The following SP3 variants were observed in gnomAD, a reference collection of about 807,000 sequenced individuals.
The protein encoded by SP3 is Sp3 transcription factor, also known as transcription factor Sp3.
In SP3, 10 loss-of-function variants were observed where a neutral mutation model predicts 70.3. That is an observed-to-expected ratio of 0.14 (90% CI 0.09 to 0.24). The LOEUF is 0.24. Among genes scored for constraint, SP3 ranks in the 10% least tolerant of loss-of-function variants. The pLI, the probability that SP3 is intolerant of heterozygous loss-of-function variation, is 1.00. For missense variants in SP3, 825 were observed against 914.6 expected, an observed-to-expected ratio of 0.90 and a Z score of 1.26; for synonymous variants, 402 against 333.5, an observed-to-expected ratio of 1.21 and a Z score of -2.24.
chr2:173,942,859 T>G (rs1167397029), intron 4 of SP3, among the ~76,000 whole-genome samples: 1 of 151,968 alleles, frequency 6.6e-6, no homozygotes, highest in Non-Finnish European at 1.5e-5. Flanking sequence ...ATCAAAAATG[T>G]TTTTTTAAAA....
intron 4 of SP3, among the ~76,000 whole-genome samples, chr2:173,954,596 TATCA>T (rs1190516650): frequency 1.3e-5 from 2 of 152,124 alleles, no homozygotes; most frequent in Non-Finnish European, 2.9e-5. Context: ...TGCCTGACAA[TATCA>T]ATCAGATGTC....
At chr2:173,957,718 C>T (rs1478809681) in intron 3 of SP3, among the ~76,000 whole-genome samples, 1 of 152,062 alleles carries the variant, frequency 6.6e-6, no homozygotes, top group Non-Finnish European at 1.5e-5. Context: ...GGTGCAATCA[C>T]ATCTGTGTCT....
Position 173,964,530 on chromosome 2 carries a change from C to T in SP3, c.31G>A (p.Glu11Lys), listed in dbSNP as rs1237613488. The stretch of plus-strand genomic sequence containing the variant: ...TCCACGTCCAAGGCAGCCATTTCCT[C>T]TTGTTTCACGGGCTTTTCGGGAGCT... MTAPEKPVKQ[E>K]EMAALDVDSG... is the part of the protein sequence containing the mutation. Residue 11 changes from glutamate to lysine, a missense_variant, in exon 2 of 7, where the codon GAG becomes AAG. Physicochemically the swap from Glu to Lys is moderately conservative, Grantham distance 56 (BLOSUM62 1). Coordinates refer to ENST00000310015, the MANE Select transcript of SP3 (RefSeq NM_003111.5). The T allele has an allele frequency of 2.0e-5, 10 of 488,530 alleles. No individual in the cohort carries two copies. Among genetic ancestry groups the T allele is most frequent in the East Asian group, 1.7e-4 (3 of 17,246 alleles). The allele number at this position is 488,530 out of a possible 1,614,324, so 30.3% of individuals were successfully genotyped here.
chr2:173,938,459 CAAAAAAAAA>C (rs747595137), intron 4 of SP3, among the ~76,000 whole-genome samples: 1 of 46,384 alleles, frequency 2.2e-5, no homozygotes, highest in Non-Finnish European at 4.2e-5. Flanking sequence ...AACTTTGCCT[CAAAAAAAAA>C]AAAAAAAAAA....
At chr2:173,920,303 G>A (rs1184521246) in intron 4 of SP3, among the ~76,000 whole-genome samples, 1 of 152,070 alleles carries the variant, frequency 6.6e-6, no homozygotes, top group Non-Finnish European at 1.5e-5. Context: ...CAGCACAGAC[G>A]TATTTTCATT....
chr2:173,905,609 A>G lies in SP3; in HGVS notation c.*4332T>C, dbSNP rs1008212495. ...TGAATCATGTTACATGACAATATAC[A>G]TGACACCTTTTTAAAAAATATATTC... is the stretch of plus-strand genomic sequence containing the variant. On this transcript the variant is annotated 3_prime_UTR_variant, in exon 7 of 7. Transcript: ENST00000310015. 6.6e-6 allele frequency among the ~76,000 whole-genome samples: 1 copy of G among 152,212 alleles called. No individual in the cohort carries two copies. The highest frequency in any genetic ancestry group is 1.5e-5 in the Non-Finnish European group (1 of 68,030).
intron 4 of SP3, among the ~76,000 whole-genome samples, chr2:173,920,970 A>C (rs1689737245): frequency 6.6e-6 from 1 of 152,156 alleles, no homozygotes; most frequent in African/African-American, 2.4e-5. Flanking sequence ...TTTGAGGGAC[A>C]TATATGACTG....
intron 5 of SP3, chr2:173,914,440 A>G (rs1689575182): frequency 6.6e-6 from 1 of 152,204 alleles, no homozygotes; most frequent in Non-Finnish European, 1.5e-5. Flanking sequence ...CCCCACATTT[A>G]TATTTTAATG....
intron 4 of SP3, among the ~76,000 whole-genome samples, chr2:173,941,612 G>GAA (rs1421580922): frequency 6.6e-6 from 1 of 152,068 alleles, no homozygotes; most frequent in Non-Finnish European, 1.5e-5. Context: ...AAAAAGAAAA[G>GAA]AAAGGGATAA....
chr2:173,940,756 A>G (rs1690349466), intron 4 of SP3, among the ~76,000 whole-genome samples: 1 of 152,070 alleles, frequency 6.6e-6, no homozygotes, highest in Non-Finnish European at 1.5e-5. Flanking sequence ...TCAGATGACC[A>G]CTTCATACCT....
At chr2:173,935,755 A>T (rs1011560296) in intron 4 of SP3, among the ~76,000 whole-genome samples, 1 of 152,122 alleles carries the variant, frequency 6.6e-6, no homozygotes, top group Admixed American at 6.6e-5. Context: ...ACTAGCAACA[A>T]TTATTTCAAC....
intron 4 of SP3, among the ~76,000 whole-genome samples, chr2:173,948,964 A>G (rs191398591): frequency 6.6e-6 from 1 of 152,302 alleles, no homozygotes; most frequent in Admixed American, 6.5e-5. Flanking sequence ...AACCATCCTC[A>G]GGTTATTTTT....
At chr2:173,920,467 AAC>A (rs1689721795) in intron 4 of SP3, among the ~76,000 whole-genome samples, 1 of 152,166 alleles carries the variant, frequency 6.6e-6, no homozygotes. Context: ...ATCAACTGTT[AAC>A]AAATGAACCA....
intron 4 of SP3, among the ~76,000 whole-genome samples, chr2:173,944,621 A>G (rs969296058): frequency 6.6e-6 from 1 of 152,248 alleles, no homozygotes; most frequent in South Asian, 2.1e-4. Context: ...TTCTCTTGGA[A>G]TAAAATACGG....
intron 4 of SP3, 94 bp downstream of exon 4, chr2:173,954,777 ATG>A (rs1690823510): frequency 2.9e-6 from 3 of 1,040,822 alleles, no homozygotes; most frequent in Non-Finnish European, 4.3e-6. Context: ...ATTAATTCTA[ATG>A]TGAGTCTGAT....
At chr2:173,915,197 G>A (rs1421894111) in intron 5 of SP3, 1 of 152,054 alleles carries the variant, frequency 6.6e-6, no homozygotes, top group Non-Finnish European at 1.5e-5. Flanking sequence ...TAGGAAATAA[G>A]AAATATTATT....
chr2:173,912,191 G>C (rs1237806562), intron 6 of SP3, among the ~76,000 whole-genome samples: 1 of 152,212 alleles, frequency 6.6e-6, no homozygotes, highest in Non-Finnish European at 1.5e-5. Flanking sequence ...TACCCAATGA[G>C]AGACAGGAAC....
At chr2:173,947,039 T>C (rs1690563875) in intron 4 of SP3, among the ~76,000 whole-genome samples, 1 of 152,270 alleles carries the variant, frequency 6.6e-6, no homozygotes. Flanking sequence ...TCATTCCTTG[T>C]AAGTAATCTG....
rs905138428 is a variant in SP3 at position 173,908,617 on chromosome 2, G to T, written c.*1324C>A. On this transcript the variant is annotated 3_prime_UTR_variant, in exon 7 of 7. Coordinates refer to ENST00000310015, the MANE Select transcript of SP3 (RefSeq NM_003111.5). ...CAATAAGGTAGCCTTTAAATTTGAG[G>T]TGGTCTTAAGAATAACAAATGAACA... The T allele has an allele frequency of 6.6e-6, 1 of 152,396 alleles. No individual in the cohort carries two copies. Among genetic ancestry groups the T allele is most frequent in the African/African-American group, 2.4e-5 (1 of 41,416 alleles). 9.4% of individuals were successfully genotyped at this position (152,396 alleles called of 1,614,324 possible). A position where few individuals can be genotyped will look rare whatever the true frequency, so the allele number is the denominator to read the frequency against.
Sources: gnomAD v4.1 joint callset for allele counts (sites outside exome capture counted in the v4.1 genomes callset) on GRCh38, gnomAD v4.1.1 for gene constraint, MANE v1.5 for transcripts, NCBI Gene and HGNC (gene_info 2026-07-23, HGNC 2026-07-21) for gene names.